The following GRID2 variants were observed in gnomAD, a reference collection of about 807,000 sequenced individuals.
The protein encoded by GRID2 is glutamate ionotropic receptor delta type subunit 2.
A neutral mutation model predicts 114.8 loss-of-function variants in GRID2; 33 were observed. The observed-to-expected ratio is 0.29, with a 90% CI of 0.22 to 0.38. GRID2 has a LOEUF of 0.38. GRID2 is among the 10% of genes least tolerant of loss of function. The pLI is 1.00. For synonymous variants in GRID2, 505 were observed against 449.9 expected (o/e 1.12, Z -1.55); for missense variants, 1,184 against 1,257.7 (o/e 0.94, Z 0.89).
chr4:92,600,022 GTA>G (rs1358560927), intron 2 of GRID2, among the ~76,000 whole-genome samples: 4 of 101,804 alleles, frequency 3.9e-5, no homozygotes, highest in Non-Finnish European at 7.4e-5. Flanking sequence ...AATACTTCAT[GTA>G]TGTGTGTGTG....
At position 92,938,947 on chromosome 4, in the gene GRID2, C is replaced by G. The variant is rs1365636179; in HGVS notation, c.245-146048C>G. Among the ~76,000 whole-genome samples the G allele has an allele frequency of 1.4e-5, 2 of 147,148 alleles. 1 individual carries two copies. Among genetic ancestry groups the G allele is most frequent in the Non-Finnish European group, 3.0e-5 (2 of 66,532 alleles). ...CCATGGTGTATATGTGCCACATTGT[C>G]TTAATCCAGTCTATCATTGTTGGAC... On this transcript the variant is annotated intron_variant, in intron 2 of 15. Transcript: ENST00000282020.
chr4:92,887,103 G>A (rs530540155), intron 2 of GRID2, among the ~76,000 whole-genome samples: 1 of 152,102 alleles, frequency 6.6e-6, no homozygotes, highest in African/African-American at 2.4e-5. Flanking sequence ...TGTTAATATG[G>A]TGTTTTGTTT....
At chr4:92,693,691 G>A (rs573975069) in intron 2 of GRID2, among the ~76,000 whole-genome samples, 7 of 152,194 alleles carry the variant, frequency 4.6e-5, no homozygotes, top group Non-Finnish European at 7.4e-5. Flanking sequence ...ATTTATAGCC[G>A]GGCCCTGCTG....
chr4:93,099,645 T>C (rs1731533984), intron 3 of GRID2, among the ~76,000 whole-genome samples: 1 of 151,880 alleles, frequency 6.6e-6, no homozygotes, highest in East Asian at 1.9e-4. Flanking sequence ...CAGAGGGTTA[T>C]TTATGGGCTC....
chr4:93,538,014 A>G (rs1055736292), intron 13 of GRID2, among the ~76,000 whole-genome samples: 8 of 151,750 alleles, frequency 5.3e-5, no homozygotes, highest in African/African-American at 1.9e-4. Flanking sequence ...ATACAAATAA[A>G]TATTTTGTTA....
intron 2 of GRID2, among the ~76,000 whole-genome samples, chr4:92,718,806 A>C (rs1735671428): frequency 6.6e-6 from 1 of 151,194 alleles, no homozygotes; most frequent in African/African-American, 2.4e-5. Flanking sequence ...TTAAGTGATA[A>C]GATAGTGGAA....
chr4:93,208,043 G>A (rs1743014862), intron 5 of GRID2, among the ~76,000 whole-genome samples: 1 of 151,800 alleles, frequency 6.6e-6, no homozygotes, highest in Admixed American at 6.6e-5. Flanking sequence ...GTTCCATTAG[G>A]ACCTGCCAGT....
chr4:93,625,217 G>C (rs1260760253), intron 13 of GRID2, among the ~76,000 whole-genome samples: 1 of 152,176 alleles, frequency 6.6e-6, no homozygotes, highest in South Asian at 2.1e-4. Context: ...AGTAACCCAA[G>C]GCGTCAGTAG....
chr4:93,333,490 G>A (rs1758714771), intron 8 of GRID2, among the ~76,000 whole-genome samples: 1 of 152,044 alleles, frequency 6.6e-6, no homozygotes, highest in Non-Finnish European at 1.5e-5. Flanking sequence ...ATCACATGTG[G>A]CAAATTCAAA....
At chr4:93,173,369 C>T (rs1466082109) in intron 4 of GRID2, among the ~76,000 whole-genome samples, 1 of 151,866 alleles carries the variant, frequency 6.6e-6, no homozygotes, top group African/African-American at 2.4e-5. Flanking sequence ...TCTTTCATCT[C>T]TTAGGAGCTG....
intron 2 of GRID2, among the ~76,000 whole-genome samples, chr4:92,929,507 A>G (rs1427503088): frequency 6.6e-6 from 1 of 151,330 alleles, no homozygotes; most frequent in Admixed American, 6.6e-5. Context: ...GTATGGATGC[A>G]TTTTTCGCAC....
At chr4:93,791,475 T>C (rs1178589824) in intron 1 of GRID2, among the ~76,000 whole-genome samples, 1 of 152,112 alleles carries the variant, frequency 6.6e-6, no homozygotes, top group Admixed American at 6.5e-5. Flanking sequence ...ACCACTAAAA[T>C]TACAAACTCT....
intron 8 of GRID2, among the ~76,000 whole-genome samples, chr4:93,245,515 T>C (rs1311770354): frequency 2.0e-5 from 3 of 152,182 alleles, no homozygotes; most frequent in African/African-American, 7.2e-5. Flanking sequence ...AGTACTTAAA[T>C]TGATTATTCC....
chr4:93,508,607 T>C (rs1254396455), intron 12 of GRID2, among the ~76,000 whole-genome samples: 1 of 152,208 alleles, frequency 6.6e-6, no homozygotes, highest in African/African-American at 2.4e-5. Context: ...TTCAGGGGAA[T>C]GCTTACTTCC....
intron 14 of GRID2, among the ~76,000 whole-genome samples, chr4:93,738,217 C>G (rs1015043752): frequency 6.6e-6 from 1 of 152,102 alleles, no homozygotes; most frequent in African/African-American, 2.4e-5. Context: ...GACTCCTGGA[C>G]TGCAGTAGTA....
At chr4:93,517,166 G>C (rs936632478) in intron 13 of GRID2, among the ~76,000 whole-genome samples, 1 of 151,988 alleles carries the variant, frequency 6.6e-6, no homozygotes, top group Non-Finnish European at 1.5e-5. Flanking sequence ...TCAATAAGTA[G>C]TATGAGTAGA....
intron 3 of GRID2, among the ~76,000 whole-genome samples, chr4:93,100,179 G>A (rs1731576126): frequency 6.6e-6 from 1 of 151,740 alleles, no homozygotes; most frequent in Non-Finnish European, 1.5e-5. Context: ...TAAGTAAAAT[G>A]TTCTTAACAA....
intron 2 of GRID2, among the ~76,000 whole-genome samples, chr4:92,937,940 T>A (rs1436025979): frequency 1.4e-5 from 2 of 146,716 alleles, no homozygotes; most frequent in Non-Finnish European, 3.0e-5. Flanking sequence ...AGTAGATAGG[T>A]TTCAATCTTT....
In GRID2 at chr4:92,782,432, G is replaced by T. The variant is rs191746185; in HGVS notation, c.244+192146G>T. On this transcript the variant is annotated intron_variant, in intron 2 of 15. Transcript: ENST00000282020. ...TGATTGAAAACACTTACCTATCCAT[G>T]TGTTTCTTTATATTATATACATATG... Among the ~76,000 whole-genome samples the T allele has an allele frequency of 3.6e-3, 547 of 152,076 alleles. 4 individuals carry two copies. The highest frequency in any genetic ancestry group is 0.011 in the African/African-American group (476 of 41,526).
Sources: gnomAD v4.1 joint callset for allele counts (sites outside exome capture counted in the v4.1 genomes callset) on GRCh38, gnomAD v4.1.1 for gene constraint, MANE v1.5 for transcripts, NCBI Gene and HGNC (gene_info 2026-07-23, HGNC 2026-07-21) for gene names.